The following SNRPD1 variants were observed in gnomAD, a reference collection of about 807,000 sequenced individuals.
The protein encoded by SNRPD1 is small nuclear ribonucleoprotein Sm D1.
In SNRPD1, 1 loss-of-function variant was observed where a neutral mutation model predicts 14.4. The ratio of observed to expected loss-of-function variants is 0.07; its 90% CI spans 0.02 to 0.33. The LOEUF (loss-of-function observed/expected upper bound fraction) is 0.33. SNRPD1 is among the 10% of genes least tolerant of loss of function. The pLI is 1.00. For missense variants in SNRPD1, 52 were observed against 146.4 expected (o/e 0.36, Z 3.33); for synonymous variants, 42 against 50.3 (o/e 0.83, Z 0.70).
At chr18:21,618,489 G>A (rs977608469) in intron 1 of SNRPD1, among the ~76,000 whole-genome samples, 2 of 151,106 alleles carry the variant, frequency 1.3e-5, no homozygotes, top group Non-Finnish European at 2.9e-5. Flanking sequence ...TTCCAAAAAT[G>A]ATTTGAAGAA....
chr18:21,621,482 ATGC>A (rs2038997505), intron 1 of SNRPD1, among the ~76,000 whole-genome samples: 1 of 152,018 alleles, frequency 6.6e-6, no homozygotes, highest in Admixed American at 6.6e-5. Context: ...CTCACTGCAA[ATGC>A]TGCCTCCCGG....
intron 3 of SNRPD1, among the ~76,000 whole-genome samples, 155 bp downstream of exon 3, chr18:21,624,094 TG>T (rs1451476952): frequency 2.6e-5 from 4 of 152,176 alleles, no homozygotes; most frequent in African/African-American, 9.6e-5. Context: ...TTAAAAACAT[TG>T]AGCAACCGGA....
intron 2 of SNRPD1, among the ~76,000 whole-genome samples, chr18:21,623,512 T>A (rs1306173211): frequency 6.6e-6 from 1 of 152,210 alleles, no homozygotes; most frequent in Non-Finnish European, 1.5e-5. Context: ...CATGGCTTGC[T>A]GCATTCACTT....
chr18:21,621,476 C>T (rs765500595), intron 1 of SNRPD1, among the ~76,000 whole-genome samples: 4 of 152,184 alleles, frequency 2.6e-5, no homozygotes, highest in Non-Finnish European at 5.9e-5. Context: ...TCTCACCTCA[C>T]TGCAAATGCT....
chr18:21,628,880 TG>T (rs1344670064), intron 3 of SNRPD1, among the ~76,000 whole-genome samples, 181 bp from the exon 4 acceptor site: 2 of 150,562 alleles, frequency 1.3e-5, no homozygotes, highest in South Asian at 2.2e-4. Flanking sequence ...GATAATGTGT[TG>T]GGGGGTGGAG....
chr18:21,615,129 C>A (rs566916219), intron 1 of SNRPD1, among the ~76,000 whole-genome samples: 1 of 152,296 alleles, frequency 6.6e-6, no homozygotes, highest in African/African-American at 2.4e-5. Flanking sequence ...GCTCCATACC[C>A]CTAGATGCAA....
chr18:21,624,062 A>G (rs890400867), intron 3 of SNRPD1, 123 bp downstream of exon 3: 9 of 653,966 alleles, frequency 1.4e-5, no homozygotes, highest in East Asian at 2.9e-5. Flanking sequence ...TATAGTATGT[A>G]TAGTAATTCT....
Position 21,629,231 on chromosome 18 carries a change from G to C in SNRPD1, c.*93G>C. On this transcript the variant is annotated 3_prime_UTR_variant, in exon 4 of 4. Coordinates refer to ENST00000300413, the MANE Select transcript of SNRPD1 (RefSeq NM_006938.4). ...TCAGTTTTTAATAAACATAAATGTG[G>C]GACAGAGCTGTCTATTTAGTATATC... is the stretch of plus-strand genomic sequence containing the variant. 1 of 939,436 alleles carries C rather than the reference G, an allele frequency of 1.1e-6. No homozygotes were observed. The highest frequency in any genetic ancestry group is 1.7e-6 in the Non-Finnish European group (1 of 572,968). The allele number at this position is 939,436 out of a possible 1,614,324, so 58.2% of individuals were successfully genotyped here. A position where few individuals can be genotyped will look rare whatever the true frequency, so the allele number is the denominator to read the frequency against.
chr18:21,623,780 G>A lies in SNRPD1; in HGVS notation c.124G>A (p.Ala42Thr), dbSNP rs1281869665. 1 of 1,612,138 alleles carries A rather than the reference G, an allele frequency of 6.2e-7. No homozygotes were observed. Among genetic ancestry groups the A allele is most frequent in the Non-Finnish European group, 8.5e-7 (1 of 1,179,320 alleles). ...VDVSMNTHLK[A>T]VKMTLKNREP... is the part of the protein sequence containing the mutation. ...TGTCAGCATGAATACACATCTTAAAGCTGTGAAAATGACCCTGAAGAACAG... is the reference window on the plus strand; with the variant it reads ...TGTCAGCATGAATACACATCTTAAAACTGTGAAAATGACCCTGAAGAACAG... The change falls in exon 3 of 4, where the codon GCT (alanine) becomes ACT (threonine). Residue 42 changes from alanine to threonine, a missense_variant. Coordinates refer to ENST00000300413, the MANE Select transcript of SNRPD1 (RefSeq NM_006938.4).
rs1273598047 is a variant in SNRPD1, at chr18:21,630,021, C to G, written c.*883C>G. 1 of 152,104 alleles carries G rather than the reference C, an allele frequency of 6.6e-6. No individual in the cohort carries two copies. Among genetic ancestry groups the G allele is most frequent in the Admixed American group, 6.6e-5 (1 of 15,260 alleles). The allele number at this position is 152,104 out of a possible 1,614,324, so 9.4% of individuals were successfully genotyped here. A position where few individuals can be genotyped will look rare whatever the true frequency, so the allele number is the denominator to read the frequency against. The stretch of plus-strand genomic sequence containing the variant: ...AAATTAAGGGTCATTGCTTTGTTGT[C>G]TAGCTGCTAATGTCTTACTTTTGTT... On this transcript the variant is annotated 3_prime_UTR_variant, in exon 4 of 4. Coordinates refer to ENST00000300413, the MANE Select transcript of SNRPD1 (RefSeq NM_006938.4).
Position 21,632,659 on chromosome 18 carries a change from T to A in SNRPD1, c.*3521T>A, listed in dbSNP as rs1047263272. On this transcript the variant is annotated 3_prime_UTR_variant, in exon 4 of 4. Transcript: ENST00000300413. The stretch of plus-strand genomic sequence containing the variant: ...AAGCTATTTGAACTGATTACCATCA[T>A]TTGCTATAAAGGAAGCATTATAGTA... The A allele has an allele frequency of 6.6e-6, 1 of 151,996 alleles. No homozygotes were observed. Among genetic ancestry groups the A allele is most frequent in the Non-Finnish European group, 1.5e-5 (1 of 68,020 alleles). 9.4% of individuals were successfully genotyped at this position (151,996 alleles called of 1,614,324 possible).
At chr18:21,622,925 T>G in intron 2 of SNRPD1, 124 bp downstream of exon 2, 1 of 517,020 alleles carries the variant, frequency 1.9e-6, no homozygotes, top group Non-Finnish European at 3.4e-6. Flanking sequence ...GTCTGAATTA[T>G]GTAATTTTTT....
chr18:21,630,731 G>T lies in SNRPD1; in HGVS notation c.*1593G>T, dbSNP rs1444036082. ...GCCGAGATTGTGCCACTGCACTCCA[G>T]CCTGGGCGATGGAGTGAGACTACGT... On this transcript the variant is annotated 3_prime_UTR_variant, in exon 4 of 4. Coordinates refer to ENST00000300413, the MANE Select transcript of SNRPD1 (RefSeq NM_006938.4). 1.3e-5 allele frequency: 2 copies of T among 150,694 alleles called. No individual in the cohort carries two copies. The highest frequency in any genetic ancestry group is 3.0e-5 in the Non-Finnish European group (2 of 67,776). 9.3% of individuals were successfully genotyped at this position (150,694 alleles called of 1,614,324 possible). A position where few individuals can be genotyped will look rare whatever the true frequency, so the allele number is the denominator to read the frequency against.
rs184553824 is a variant in SNRPD1, at chr18:21,626,370, G to C, written c.283+2431G>C. ...GATTACGCCACTGCACTCCAGCCTGGGTGACAGAGTAAAACCCTGTCGCCA... is the reference window on the plus strand; with the variant it reads ...GATTACGCCACTGCACTCCAGCCTGCGTGACAGAGTAAAACCCTGTCGCCA... On this transcript the variant is annotated intron_variant, in intron 3 of 3. Transcript: ENST00000300413. Among the ~76,000 whole-genome samples the C allele has an allele frequency of 1.9e-3, 273 of 146,466 alleles. 1 individual carries two copies. The highest frequency in any genetic ancestry group is 2.0e-3 in the Non-Finnish European group (137 of 66,924).
intron 1 of SNRPD1, among the ~76,000 whole-genome samples, chr18:21,622,432 G>A (rs970517216): frequency 2.0e-5 from 3 of 152,056 alleles, no homozygotes; most frequent in Non-Finnish European, 2.9e-5. Context: ...GAGCCACCAC[G>A]CCTGGCCTAT....
chr18:21,616,408 A>T (rs1304557894), intron 1 of SNRPD1, among the ~76,000 whole-genome samples: 1 of 152,032 alleles, frequency 6.6e-6, no homozygotes, highest in Non-Finnish European at 1.5e-5. Context: ...CTCAGGCTGG[A>T]GTACAATTGT....
Position 21,631,852 on chromosome 18 carries a change from C to A in SNRPD1, c.*2714C>A, listed in dbSNP as rs1214714510. On this transcript the variant is annotated 3_prime_UTR_variant, in exon 4 of 4. Coordinates refer to ENST00000300413, the MANE Select transcript of SNRPD1 (RefSeq NM_006938.4). ...CAAGTAGAAGGCAAAAGGCAAGAGA[C>A]CCCTGTAATGCAGCAAGTGGAGAGA... The A allele has an allele frequency of 6.6e-6, 1 of 152,016 alleles. No individual in the cohort carries two copies. Among genetic ancestry groups the A allele is most frequent in the East Asian group, 1.9e-4 (1 of 5,188 alleles). The allele number at this position is 152,016 out of a possible 1,614,324, so 9.4% of individuals were successfully genotyped here. A position where few individuals can be genotyped will look rare whatever the true frequency, so the allele number is the denominator to read the frequency against.
rs2039073650 is a variant in SNRPD1 at position 21,630,504 on chromosome 18, GT to G, written c.*1367del. The stretch of plus-strand genomic sequence containing the variant: ...AGCCTGGGTGTGGTGGCTCACGCCT[GT>G]AATCCCAGCACTTTGGGAGGCCGAG... On this transcript the variant is annotated 3_prime_UTR_variant, in exon 4 of 4. Coordinates refer to ENST00000300413, the MANE Select transcript of SNRPD1 (RefSeq NM_006938.4). 6.6e-6 allele frequency: 1 copy of G among 151,892 alleles called. No homozygotes were observed. Among genetic ancestry groups the G allele is most frequent in the African/African-American group, 2.4e-5 (1 of 41,348 alleles). The allele number at this position is 151,892 out of a possible 1,614,324, so 9.4% of individuals were successfully genotyped here.
chr18:21,628,747 T>C (rs1278190629), intron 3 of SNRPD1, among the ~76,000 whole-genome samples: 1 of 152,196 alleles, frequency 6.6e-6, no homozygotes, highest in Non-Finnish European at 1.5e-5. Context: ...TCAAATCATT[T>C]TATGGTGAAT....
Sources: allele counts gnomAD v4.1 joint callset (sites outside exome capture counted in the v4.1 genomes callset), GRCh38; gene constraint gnomAD v4.1.1; transcripts MANE v1.5; gene names NCBI Gene and HGNC (gene_info 2026-07-23, HGNC 2026-07-21).